CHN2: variants seen among roughly 807,000 people sequenced by gnomAD.
CHN2 encodes chimerin 2, also known as beta-chimaerin.
CHN2 carries 35 observed loss-of-function variants against 56.3 expected under a neutral mutation model. That is an observed-to-expected ratio of 0.62 (90% CI 0.47 to 0.82). CHN2 has a LOEUF of 0.82. CHN2 is among the 40% of genes least tolerant of loss of function. CHN2 has a pLI of 0.00. For missense variants in CHN2, 491 were observed against 580.5 expected, an observed-to-expected ratio of 0.85 and a Z score of 1.58; for synonymous variants, 210 against 212.8, an observed-to-expected ratio of 0.99 and a Z score of 0.12.
At chr7:29,253,003 G>A (rs1788761789) in intron 1 of CHN2, among the ~76,000 whole-genome samples, 1 of 152,144 alleles carries the variant, frequency 6.6e-6, no homozygotes, top group Non-Finnish European at 1.5e-5. Flanking sequence ...CTTCTCATGG[G>A]ACAGTTTCCC....
chr7:29,402,421 A>G (rs1802294117), intron 6 of CHN2, among the ~76,000 whole-genome samples: 1 of 152,230 alleles, frequency 6.6e-6, no homozygotes, highest in Admixed American at 6.5e-5. Context: ...ACATTTTAAC[A>G]AAAGAGAGAG....
At chr7:29,314,324 C>G (rs1794803285) in intron 1 of CHN2, among the ~76,000 whole-genome samples, 1 of 152,070 alleles carries the variant, frequency 6.6e-6, no homozygotes, top group Non-Finnish European at 1.5e-5. Context: ...TATGAAGTAC[C>G]TAGAGTAGTC....
At chr7:29,502,612 CT>C (rs1267967820) in intron 9 of CHN2, among the ~76,000 whole-genome samples, 2 of 152,150 alleles carry the variant, frequency 1.3e-5, no homozygotes, top group Non-Finnish European at 2.9e-5. Flanking sequence ...AGATTAGCTT[CT>C]TAAAAAAGCA....
intron 1 of CHN2, among the ~76,000 whole-genome samples, chr7:29,342,853 CAGTT>C (rs1421216827): frequency 6.6e-6 from 1 of 152,228 alleles, no homozygotes; most frequent in Non-Finnish European, 1.5e-5. Context: ...AGCAGGCAGT[CAGTT>C]AGTGCTCATT....
intron 1 of CHN2, among the ~76,000 whole-genome samples, chr7:29,260,294 AT>A (rs1789429266): frequency 6.6e-6 from 1 of 152,206 alleles, no homozygotes; most frequent in South Asian, 2.1e-4. Context: ...CTAACTTCGG[AT>A]TTGAGTCATG....
chr7:29,481,034 TGTAGAA>T (rs1387962747), intron 7 of CHN2, among the ~76,000 whole-genome samples: 2 of 152,218 alleles, frequency 1.3e-5, no homozygotes, highest in Non-Finnish European at 2.9e-5. Flanking sequence ...GACTGGTACT[TGTAGAA>T]GGGGCCTGCC....
intron 6 of CHN2, among the ~76,000 whole-genome samples, chr7:29,417,592 G>C (rs753848040): frequency 6.6e-6 from 1 of 152,132 alleles, no homozygotes; most frequent in African/African-American, 2.4e-5. Context: ...AAGTTATTTA[G>C]GTTGAACCGT....
At chr7:29,229,031 T>C (rs1786457710) in intron 1 of CHN2, among the ~76,000 whole-genome samples, 1 of 152,204 alleles carries the variant, frequency 6.6e-6, no homozygotes, top group African/African-American at 2.4e-5. Flanking sequence ...GCTTTCACCC[T>C]GAAAGCTCTC....
chr7:29,499,800 A>G (rs2128577046), intron 8 of CHN2, 67 bp from the exon 9 acceptor site: 2 of 1,407,764 alleles, frequency 1.4e-6, no homozygotes, highest in Non-Finnish European at 1.9e-6. Context: ...ATTTTTGGCA[A>G]CATATAATTT....
chr7:29,278,291 C>T (rs545856359), intron 1 of CHN2, among the ~76,000 whole-genome samples: 2 of 152,244 alleles, frequency 1.3e-5, no homozygotes, highest in Non-Finnish European at 2.9e-5. Context: ...ACCAGGGTTT[C>T]GCCAACTTTT....
At chr7:29,372,674 T>C (rs1799709436) in intron 3 of CHN2, among the ~76,000 whole-genome samples, 1 of 152,232 alleles carries the variant, frequency 6.6e-6, no homozygotes, top group Non-Finnish European at 1.5e-5. Flanking sequence ...TAATAGCATA[T>C]CAGATTTACT....
At chr7:29,454,036 G>A (rs1784582649) in intron 6 of CHN2, among the ~76,000 whole-genome samples, 1 of 152,182 alleles carries the variant, frequency 6.6e-6, no homozygotes, top group African/African-American at 2.4e-5. Context: ...AGGGTAGGTG[G>A]ACTCCACAGC....
intron 1 of CHN2, chr7:29,332,920 C>G (rs979480111): frequency 1.3e-5 from 2 of 151,956 alleles, no homozygotes; most frequent in Non-Finnish European, 1.5e-5. Context: ...GACGACGGCT[C>G]GATCTTGGCT....
At chr7:29,224,527 G>A (rs1016617947) in intron 1 of CHN2, among the ~76,000 whole-genome samples, 2 of 152,138 alleles carry the variant, frequency 1.3e-5, no homozygotes, top group Non-Finnish European at 2.9e-5. Flanking sequence ...AGGTTCAGGA[G>A]CCATTTCTGC....
intron 1 of CHN2, among the ~76,000 whole-genome samples, chr7:29,339,086 GAA>G (rs1336561354): frequency 6.6e-6 from 1 of 152,092 alleles, no homozygotes; most frequent in African/African-American, 2.4e-5. Flanking sequence ...TTACATTCTG[GAA>G]AAGTCACAGT....
chr7:29,463,141 C>T (rs140472957), intron 6 of CHN2, among the ~76,000 whole-genome samples: 35 of 152,174 alleles, frequency 2.3e-4, no homozygotes, highest in Non-Finnish European at 4.4e-5. Context: ...TAATACCTAG[C>T]ATTTCTTTTT....
chr7:29,369,303 T>C (rs1799420706), intron 3 of CHN2, among the ~76,000 whole-genome samples: 1 of 152,112 alleles, frequency 6.6e-6, no homozygotes, highest in African/African-American at 2.4e-5. Context: ...AAAATTAGAA[T>C]ACAACTAAAG....
At chr7:29,371,838 T>C (rs1486603256) in intron 3 of CHN2, among the ~76,000 whole-genome samples, 1 of 152,172 alleles carries the variant, frequency 6.6e-6, no homozygotes, top group East Asian at 1.9e-4. Context: ...TCTCCAAATA[T>C]ATCTCGCATT....
At chr7:29,224,614 A>G (rs111601794) in intron 1 of CHN2, among the ~76,000 whole-genome samples, 1 of 152,202 alleles carries the variant, frequency 6.6e-6, no homozygotes, top group Non-Finnish European at 1.5e-5. Context: ...ATGGAATGTT[A>G]TATCTTCTCT....
Sources: allele counts gnomAD v4.1 joint callset (sites outside exome capture counted in the v4.1 genomes callset), GRCh38; gene constraint gnomAD v4.1.1; transcripts MANE v1.5; gene names NCBI Gene and HGNC (gene_info 2026-07-23, HGNC 2026-07-21).